TRAM2: variants seen among roughly 807,000 people sequenced by gnomAD.
TRAM2 encodes the protein translocation associated membrane protein 2.
Under a neutral mutation model 51.0 loss-of-function variants are expected in TRAM2, and 12 were observed. That is an observed-to-expected ratio of 0.24 (90% CI 0.15 to 0.38). The LOEUF (loss-of-function observed/expected upper bound fraction) is 0.38. Ranked by LOEUF, TRAM2 falls within the 10% of genes least tolerant of loss-of-function variation. The pLI is 1.00. For synonymous variants in TRAM2, 175 were observed against 179.4 expected, an observed-to-expected ratio of 0.98 and a Z score of 0.20; for missense variants, 361 against 462.0, an observed-to-expected ratio of 0.78 and a Z score of 2.00.
intron 4 of TRAM2, chr6:52,515,800 T>C (rs1158181538): frequency 3.7e-6 from 2 of 546,260 alleles, no homozygotes; most frequent in Non-Finnish European, 6.6e-6. Flanking sequence ...TCTCCAGCTA[T>C]AAAATGGCAT....
At chr6:52,576,714 GC>G in intron 1 of TRAM2, 81 bp downstream of exon 1, 4 of 1,528,120 alleles carry the variant, frequency 2.6e-6, no homozygotes, top group Non-Finnish European at 3.5e-6. Flanking sequence ...TCAGAGGAGG[GC>G]CCGCTGACCT....
chr6:52,509,751 G>A (rs906938822), intron 4 of TRAM2, among the ~76,000 whole-genome samples, 165 bp from the exon 5 acceptor site: 2 of 152,130 alleles, frequency 1.3e-5, no homozygotes, highest in South Asian at 2.1e-4. Flanking sequence ...GACCCCTGGC[G>A]CTTGGCTGGT....
chr6:52,567,182 A>AAGTTACAC (rs1395161169), intron 1 of TRAM2, among the ~76,000 whole-genome samples: 1 of 152,234 alleles, frequency 6.6e-6, no homozygotes, highest in East Asian at 1.9e-4. Flanking sequence ...AACATTGGTC[A>AAGTTACAC]AGTTACACTT....
At chr6:52,508,942 G>A (rs979068002) in intron 5 of TRAM2, among the ~76,000 whole-genome samples, 2 of 152,222 alleles carry the variant, frequency 1.3e-5, no homozygotes, top group Non-Finnish European at 2.9e-5. Flanking sequence ...GCTGAGGCAG[G>A]AGAATCGCTT....
rs1488882207 is a variant in TRAM2, at chr6:52,506,148, G to A, written c.627-12C>T. 1.9e-6 allele frequency: 3 copies of A among 1,611,548 alleles called. No homozygotes were observed. The highest frequency in any genetic ancestry group is 4.5e-5 in the East Asian group (2 of 44,868). Reference sequence around the variant, plus strand: ...CCAGGCGGCTCAGGCTGGGGGTGGGGAAGACTAGACTTACATTCCCTCCAA... The same window carrying A: ...CCAGGCGGCTCAGGCTGGGGGTGGGAAAGACTAGACTTACATTCCCTCCAA... On this transcript the variant is annotated splice_polypyrimidine_tract_variant and intron_variant, in intron 7 of 10. Coordinates refer to ENST00000182527, the MANE Select transcript of TRAM2 (RefSeq NM_012288.4).
chr6:52,507,696 A>G, intron 6 of TRAM2, 73 bp from the exon 7 acceptor site: 3 of 1,482,950 alleles, frequency 2.0e-6, no homozygotes, highest in Non-Finnish European at 1.9e-6. Flanking sequence ...GGAAAAGTGC[A>G]GGGGGATGAG....
intron 1 of TRAM2, among the ~76,000 whole-genome samples, chr6:52,552,175 C>A (rs1261211252): frequency 6.6e-6 from 1 of 152,252 alleles, no homozygotes; most frequent in Non-Finnish European, 1.5e-5. Flanking sequence ...AGGCAGCCAT[C>A]CTGGCTTCCA....
intron 4 of TRAM2, among the ~76,000 whole-genome samples, chr6:52,512,369 G>A (rs1766466160): frequency 6.6e-6 from 1 of 152,110 alleles, no homozygotes; most frequent in African/African-American, 2.4e-5. Context: ...CCAGTCCACG[G>A]GGACTGGAGG....
chr6:52,565,344 T>A (rs775095679), intron 1 of TRAM2, among the ~76,000 whole-genome samples: 1 of 152,078 alleles, frequency 6.6e-6, no homozygotes, highest in Non-Finnish European at 1.5e-5. Context: ...TGGGGGCAAT[T>A]CAGGAGGTAA....
chr6:52,557,667 A>G (rs764247563), intron 1 of TRAM2, among the ~76,000 whole-genome samples: 21 of 152,186 alleles, frequency 1.4e-4, no homozygotes, highest in Non-Finnish European at 2.2e-4. Flanking sequence ...CTGAGCCTCA[A>G]ATCTGCAGCC....
In TRAM2 at chr6:52,537,227, T is replaced by A. The variant is rs576701654; in HGVS notation, c.121-1381A>T. On this transcript the variant is annotated intron_variant, in intron 1 of 10. Transcript: ENST00000182527. Reference sequence around the variant, plus strand: ...TCAGGCTTGCAGGGAAAAACCCAAATGAGATTAGCTAAGAGGAGTGATAGA... The same window carrying A: ...TCAGGCTTGCAGGGAAAAACCCAAAAGAGATTAGCTAAGAGGAGTGATAGA... Among the ~76,000 whole-genome samples, 91 of 152,284 alleles carry A rather than the reference T, an allele frequency of 6.0e-4. 1 individual carries two copies. The South Asian group carries it at 8.5e-3, about 14-fold the overall frequency.
chr6:52,525,889 C>T (rs1766768352), intron 2 of TRAM2, among the ~76,000 whole-genome samples: 1 of 151,908 alleles, frequency 6.6e-6, no homozygotes, highest in African/African-American at 2.4e-5. Flanking sequence ...TGGTGGTCTT[C>T]TAAAAAGGGA....
rs1359002169 is a variant in TRAM2, at chr6:52,500,886, C to T, written c.*2311G>A. On this transcript the variant is annotated 3_prime_UTR_variant, in exon 11 of 11. Transcript: ENST00000182527. The stretch of plus-strand genomic sequence containing the variant: ...ACAACTCAACAGTTTAACCTGGACT[C>T]ACCTGAGAGAGGCCTCCTGCATGTG... 6.6e-6 allele frequency: 1 copy of T among 152,224 alleles called. No homozygotes were observed. The highest frequency in any genetic ancestry group is 1.5e-5 in the Non-Finnish European group (1 of 68,050). 9.4% of individuals were successfully genotyped at this position (152,224 alleles called of 1,614,324 possible).
chr6:52,562,425 C>G (rs1767516959), intron 1 of TRAM2, among the ~76,000 whole-genome samples: 1 of 152,126 alleles, frequency 6.6e-6, no homozygotes, highest in African/African-American at 2.4e-5. Context: ...CCAGAGGCAA[C>G]AGAAACGTCA....
At chr6:52,573,328 A>C (rs1206531517) in intron 1 of TRAM2, among the ~76,000 whole-genome samples, 1 of 152,174 alleles carries the variant, frequency 6.6e-6, no homozygotes, top group Non-Finnish European at 1.5e-5. Flanking sequence ...ACCCTGGTTG[A>C]TGGTCAGGCC....
rs1054095398 is a variant in TRAM2 at position 52,497,467 on chromosome 6, C to T, written c.*5730G>A. On this transcript the variant is annotated 3_prime_UTR_variant, in exon 11 of 11. Coordinates refer to ENST00000182527, the MANE Select transcript of TRAM2 (RefSeq NM_012288.4). ...ATTTGATCATTTGTTCCAAAATGTA[C>T]ATTTAAAAAATCCATACAAAACTGT... 6 of 152,688 alleles carry T rather than the reference C, an allele frequency of 3.9e-5. No homozygotes were observed. The highest frequency in any genetic ancestry group is 3.4e-3 in the Middle Eastern group (1 of 294). The allele number at this position is 152,688 out of a possible 1,614,324, so 9.5% of individuals were successfully genotyped here. A position where few individuals can be genotyped will look rare whatever the true frequency, so the allele number is the denominator to read the frequency against.
chr6:52,527,252 C>T (rs1255060708), intron 2 of TRAM2, among the ~76,000 whole-genome samples: 2 of 151,756 alleles, frequency 1.3e-5, no homozygotes, highest in Non-Finnish European at 2.9e-5. Context: ...GTGGCGGGCG[C>T]CTGCAGTCCT....
intron 1 of TRAM2, among the ~76,000 whole-genome samples, chr6:52,560,294 T>C (rs1473730344): frequency 1.3e-5 from 2 of 152,066 alleles, no homozygotes; most frequent in Admixed American, 6.6e-5. Context: ...AGTTGAAAGC[T>C]GAAGTCTTCC....
In TRAM2 at chr6:52,501,465, G is replaced by C. The variant is rs1409568524; in HGVS notation, c.*1732C>G. 1 of 152,224 alleles carries C rather than the reference G, an allele frequency of 6.6e-6. No individual in the cohort carries two copies. Among genetic ancestry groups the C allele is most frequent in the Non-Finnish European group, 1.5e-5 (1 of 68,042 alleles). The allele number at this position is 152,224 out of a possible 1,614,324, so 9.4% of individuals were successfully genotyped here. A position where few individuals can be genotyped will look rare whatever the true frequency, so the allele number is the denominator to read the frequency against. ...TACTGTGATGTCAGAAAGATGACCAGTATTCCAAATGACACTACTATTCCT... is the reference window on the plus strand; with the variant it reads ...TACTGTGATGTCAGAAAGATGACCACTATTCCAAATGACACTACTATTCCT... On this transcript the variant is annotated 3_prime_UTR_variant, in exon 11 of 11. Coordinates refer to ENST00000182527, the MANE Select transcript of TRAM2 (RefSeq NM_012288.4).
Sources: allele counts gnomAD v4.1 joint callset (sites outside exome capture counted in the v4.1 genomes callset), GRCh38; gene constraint gnomAD v4.1.1; transcripts MANE v1.5; gene names NCBI Gene and HGNC (gene_info 2026-07-23, HGNC 2026-07-21).